The following G3BP2 variants were observed in gnomAD, a reference collection of about 807,000 sequenced individuals.
G3BP2 encodes G3BP stress granule assembly factor 2.
A neutral mutation model predicts 56.7 loss-of-function variants in G3BP2; 11 were observed. The observed-to-expected ratio is 0.19, with a 90% CI of 0.12 to 0.32. The LOEUF is 0.32. G3BP2 is among the 10% of genes least tolerant of loss of function. The pLI, the probability that G3BP2 is intolerant of heterozygous loss-of-function variation, is 1.00. For missense variants in G3BP2, 340 were observed against 610.9 expected, an observed-to-expected ratio of 0.56 and a Z score of 4.67; for synonymous variants, 165 against 191.6, an observed-to-expected ratio of 0.86 and a Z score of 1.15.
At chr4:75,682,193 G>T (rs888003854) in intron 3 of G3BP2, among the ~76,000 whole-genome samples, 23 of 152,096 alleles carry the variant, frequency 1.5e-4, no homozygotes, top group African/African-American at 5.1e-4. Flanking sequence ...GAGGCAGGCG[G>T]ATCACGAGGT....
chr4:75,716,010 G>T (rs1560424796), intron 3 of G3BP2, among the ~76,000 whole-genome samples: 1 of 152,134 alleles, frequency 6.6e-6, no homozygotes, highest in Non-Finnish European at 1.5e-5. Context: ...AGCTTTTTAG[G>T]AGTCAATACT....
At chr4:75,686,011 T>A (rs1718585676) in intron 3 of G3BP2, among the ~76,000 whole-genome samples, 1 of 152,132 alleles carries the variant, frequency 6.6e-6, no homozygotes, top group Non-Finnish European at 1.5e-5. Context: ...CACACACACA[T>A]ACACACAGAG....
At chr4:75,681,180 C>G (rs190662686) in intron 3 of G3BP2, among the ~76,000 whole-genome samples, 1 of 147,716 alleles carries the variant, frequency 6.8e-6, no homozygotes, top group African/African-American at 2.5e-5. Context: ...AAAAATTTGC[C>G]GGGCGTGGTG....
intron 10 of G3BP2, 92 bp downstream of exon 10, chr4:75,646,937 A>G: frequency 1.3e-6 from 1 of 757,008 alleles, no homozygotes; most frequent in Non-Finnish European, 2.1e-6. Flanking sequence ...AGAGAGAAAC[A>G]TTTAAAAAAA....
In G3BP2 at chr4:75,660,795, C is replaced by A. The variant is rs527383707; in HGVS notation, c.95+1136G>T. Reference sequence around the variant, plus strand: ...TGGCCAGTGTGTTCTGCAATACTTACAAAGTCTAATTCTTGTAAGAGTTTC... The same window carrying A: ...TGGCCAGTGTGTTCTGCAATACTTAAAAAGTCTAATTCTTGTAAGAGTTTC... On this transcript the variant is annotated intron_variant, in intron 2 of 11. Coordinates refer to ENST00000359707, the MANE Select transcript of G3BP2 (RefSeq NM_203505.3). Among the ~76,000 whole-genome samples, 8 of 152,228 alleles carry A rather than the reference C, an allele frequency of 5.3e-5. No homozygotes were observed. In the South Asian group the frequency reaches 1.7e-3, roughly 32 times the overall value.
chr4:75,670,273 A>G (rs1733382476), intron 1 of G3BP2: 2 of 152,206 alleles, frequency 1.3e-5, no homozygotes, highest in African/African-American at 2.4e-5. Flanking sequence ...TCCATTTCCA[A>G]CAGCTAAATG....
chr4:75,655,323 G>C (rs1732009545), intron 6 of G3BP2, 77 bp from the exon 7 acceptor site: 1 of 998,912 alleles, frequency 1.0e-6, no homozygotes, highest in Non-Finnish European at 1.5e-6. Context: ...AATCCAATGG[G>C]TGTAACTAGT....
chr4:75,665,949 T>C (rs1189043077), intron 1 of G3BP2, among the ~76,000 whole-genome samples: 4 of 152,232 alleles, frequency 2.6e-5, no homozygotes, highest in Non-Finnish European at 5.9e-5. Context: ...TGTTTTCTTC[T>C]CTCTGGATTT....
intron 1 of G3BP2, among the ~76,000 whole-genome samples, chr4:75,667,851 T>C (rs1733178223): frequency 6.6e-6 from 1 of 152,130 alleles, no homozygotes; most frequent in Non-Finnish European, 1.5e-5. Flanking sequence ...ATCACACCCT[T>C]GCACTTCAGC....
In G3BP2 at chr4:75,643,878, C is replaced by T. The variant is rs747448585; in HGVS notation, c.*1552G>A. 2 of 152,616 alleles carry T rather than the reference C, an allele frequency of 1.3e-5. No homozygotes were observed. Among genetic ancestry groups the T allele is most frequent in the Non-Finnish European group, 2.9e-5 (2 of 68,046 alleles). 9.5% of individuals were successfully genotyped at this position (152,616 alleles called of 1,614,324 possible). A position where few individuals can be genotyped will look rare whatever the true frequency, so the allele number is the denominator to read the frequency against. ...ATAAAATTGGATAAGCTTTGCCATA[C>T]TTGTGGTTTACTGGAACTTGCTATA... is the stretch of plus-strand genomic sequence containing the variant. On this transcript the variant is annotated 3_prime_UTR_variant, in exon 12 of 12. Transcript: ENST00000359707.
chr4:75,681,912 C>T (rs1015064942), intron 3 of G3BP2, among the ~76,000 whole-genome samples: 7 of 151,524 alleles, frequency 4.6e-5, no homozygotes, highest in Admixed American at 1.3e-4. Context: ...ACTTTGGGGC[C>T]ATTATTAAGT....
At chr4:75,661,482 T>TG (rs1051534600) in intron 2 of G3BP2, 2 of 150,696 alleles carry the variant, frequency 1.3e-5, no homozygotes, top group African/African-American at 4.9e-5. Context: ...AAGTTTGTTT[T>TG]TTTTTTTTTT....
At chr4:75,711,796 T>A (rs1719768797) in intron 3 of G3BP2, among the ~76,000 whole-genome samples, 1 of 152,046 alleles carries the variant, frequency 6.6e-6, no homozygotes, top group Admixed American at 6.6e-5. Flanking sequence ...GAGGATGGGA[T>A]GAAATTCAGG....
intron 2 of G3BP2, among the ~76,000 whole-genome samples, chr4:75,721,837 G>C (rs553947317): frequency 7.9e-5 from 12 of 152,084 alleles, no homozygotes; most frequent in Admixed American, 1.3e-4. Flanking sequence ...TTGATCTATT[G>C]TCAGGTTTGG....
At chr4:75,677,922 A>G (rs1267494696), upstream of G3BP2, among the ~76,000 whole-genome samples, 1 of 152,212 alleles carries the variant, frequency 6.6e-6, no homozygotes, top group African/African-American at 2.4e-5. Flanking sequence ...CCTCACCTTC[A>G]TGAATGGAAT....
chr4:75,721,492 A>C lies in G3BP2; in HGVS notation c.-117-523T>G, dbSNP rs1285887574. 5.9e-5 allele frequency among the ~76,000 whole-genome samples: 9 copies of C among 151,994 alleles called. No homozygotes were observed. The East Asian group carries it at 1.7e-3, about 29-fold the overall frequency. Reference sequence around the variant, plus strand: ...AGGCTGGTGTTGAACTCCTGAGCTTAAATGATCCTCCCACCTTGGCCTCCC... The same window carrying C: ...AGGCTGGTGTTGAACTCCTGAGCTTCAATGATCCTCCCACCTTGGCCTCCC... On this transcript the variant is annotated intron_variant, in intron 2 of 3. Coordinates refer to the G3BP2 transcript ENST00000499709.
chr4:75,674,718 A>ATATATATATATATATATATATT (rs1241041465), upstream of G3BP2, among the ~76,000 whole-genome samples: 1 of 71,432 alleles, frequency 1.4e-5, no homozygotes, highest in African/African-American at 5.9e-5. Context: ...ATATATATAT[A>ATATATATATATATATATATATT]TTTTTTTTTT....
intron 8 of G3BP2, chr4:75,648,991 A>G: frequency 3.4e-6 from 1 of 291,310 alleles, no homozygotes; most frequent in Non-Finnish European, 6.4e-6. Context: ...TTACAGTCAC[A>G]TTTTTTCATT....
intron 3 of G3BP2, among the ~76,000 whole-genome samples, chr4:75,683,537 C>T (rs1718435616): frequency 6.6e-6 from 1 of 151,928 alleles, no homozygotes; most frequent in Non-Finnish European, 1.5e-5. Flanking sequence ...GCACTCCAGC[C>T]TGGACAACGA....
Sources: allele counts gnomAD v4.1 joint callset (sites outside exome capture counted in the v4.1 genomes callset), GRCh38; gene constraint gnomAD v4.1.1; transcripts MANE v1.5; gene names NCBI Gene and HGNC (gene_info 2026-07-23, HGNC 2026-07-21).